CD200R1: variants seen among roughly 807,000 people sequenced by gnomAD.
CD200R1 encodes the protein CD200 receptor 1.
In CD200R1, 30 loss-of-function variants were observed where a neutral mutation model predicts 38.1. The observed-to-expected ratio is 0.79, with a 90% CI of 0.59 to 1.07. The LOEUF is 1.07. Among genes scored for constraint, CD200R1 ranks in the 50% least tolerant of loss-of-function variants. CD200R1 has a pLI of 0.00. For missense variants in CD200R1, 372 were observed against 415.4 expected (o/e 0.90, Z 0.91); for synonymous variants, 128 against 152.1 (o/e 0.84, Z 1.16).
At chr3:112,963,754 G>A (rs1252458631) in intron 1 of CD200R1, among the ~76,000 whole-genome samples, 2 of 152,174 alleles carry the variant, frequency 1.3e-5, no homozygotes, top group Non-Finnish European at 1.5e-5. Flanking sequence ...GCCAGCTGCA[G>A]AAATTTGCCT....
intron 1 of CD200R1, among the ~76,000 whole-genome samples, chr3:112,956,831 C>A (rs1177091082): frequency 6.6e-6 from 1 of 152,144 alleles, no homozygotes; most frequent in Non-Finnish European, 1.5e-5. Context: ...GCACCCAATG[C>A]CAAGTAGCCA....
intron 2 of CD200R1, among the ~76,000 whole-genome samples, chr3:112,931,847 C>T (rs1421030141): frequency 1.3e-5 from 2 of 151,920 alleles, no homozygotes; most frequent in South Asian, 2.1e-4. Context: ...GAGAGGAGCT[C>T]GTGGTCATCA....
In CD200R1 at chr3:112,937,452, T is replaced by C. The variant is rs188569568; in HGVS notation, c.137-6281A>G. Among the ~76,000 whole-genome samples the C allele has an allele frequency of 1.0e-3, 106 of 103,600 alleles. 2 individuals are homozygous for C. Among genetic ancestry groups the C allele is most frequent in the African/African-American group, 4.3e-3 (100 of 23,068 alleles). The allele number at this position is 103,600 out of a possible 152,430, so 68.0% of individuals were successfully genotyped here. A position where few individuals can be genotyped will look rare whatever the true frequency, so the allele number is the denominator to read the frequency against. ...GCACCATTTATTAAATAGGGAATCC[T>C]TTCCCCATTGCTTGTTTCTGTCAGG... On this transcript the variant is annotated intron_variant, in intron 2 of 7. Transcript: ENST00000308611.
chr3:112,925,777 A>T (rs931635295), intron 5 of CD200R1, among the ~76,000 whole-genome samples: 3 of 152,188 alleles, frequency 2.0e-5, no homozygotes, highest in African/African-American at 7.2e-5. Flanking sequence ...TCTACTAAAA[A>T]TAAAGTTATC....
intron 1 of CD200R1, among the ~76,000 whole-genome samples, chr3:112,955,997 G>A (rs1393965689): frequency 6.6e-6 from 1 of 151,780 alleles, no homozygotes. Flanking sequence ...GTCTTACTTG[G>A]ATTGAATCTG....
Position 112,974,954 on chromosome 3 carries a change from C to G in CD200R1, c.-97G>C. 1.1e-6 allele frequency: 1 copy of G among 918,924 alleles called. No homozygotes were observed. Among genetic ancestry groups the G allele is most frequent in the Non-Finnish European group, 1.8e-6 (1 of 566,866 alleles). 56.9% of individuals were successfully genotyped at this position (918,924 alleles called of 1,614,324 possible). A position where few individuals can be genotyped will look rare whatever the true frequency, so the allele number is the denominator to read the frequency against. On this transcript the variant is annotated 5_prime_UTR_variant, in exon 1 of 8. Transcript: ENST00000308611. ...TGGTGAGACCCTCTCTGGTCAACTTCTCAGTACAGGATCCTCTTACCCCAT... is the reference window on the plus strand; with the variant it reads ...TGGTGAGACCCTCTCTGGTCAACTTGTCAGTACAGGATCCTCTTACCCCAT...
Position 112,923,295 on chromosome 3 carries a change from A to G in CD200R1, c.*382T>C, listed in dbSNP as rs1940211241. The stretch of plus-strand genomic sequence containing the variant: ...GGACACATAAATTGACACATATACC[A>G]TAGGCATATACACATGTCATATGTA... On this transcript the variant is annotated 3_prime_UTR_variant, in exon 8 of 8. Transcript: ENST00000308611. 6.2e-6 allele frequency: 1 copy of G among 160,074 alleles called. No homozygotes were observed. Among genetic ancestry groups the G allele is most frequent in the South Asian group, 1.8e-4 (1 of 5,494 alleles). The allele number at this position is 160,074 out of a possible 1,614,324, so 9.9% of individuals were successfully genotyped here. A position where few individuals can be genotyped will look rare whatever the true frequency, so the allele number is the denominator to read the frequency against.
intron 1 of CD200R1, among the ~76,000 whole-genome samples, chr3:112,958,618 T>G (rs1001172382): frequency 2.0e-5 from 3 of 152,162 alleles, no homozygotes; most frequent in Admixed American, 6.5e-5. Context: ...ATGCAATTAA[T>G]TGTACATAAA....
chr3:112,942,344 T>C (rs955789302), intron 2 of CD200R1, among the ~76,000 whole-genome samples: 3 of 151,672 alleles, frequency 2.0e-5, no homozygotes, highest in Non-Finnish European at 4.4e-5. Context: ...ATTTTGTTAT[T>C]GCAAGGTATT....
chr3:112,974,003 C>T (rs888242952), intron 1 of CD200R1, among the ~76,000 whole-genome samples: 12 of 152,108 alleles, frequency 7.9e-5, no homozygotes, highest in African/African-American at 2.9e-4. Flanking sequence ...ATCACAGACG[C>T]ACCACTGTAA....
intron 1 of CD200R1, among the ~76,000 whole-genome samples, chr3:112,968,468 G>A (rs1335458939): frequency 1.3e-5 from 2 of 152,202 alleles, no homozygotes; most frequent in African/African-American, 2.4e-5. Flanking sequence ...CTGGAAAGTG[G>A]AGGAAGCAGA....
At chr3:112,956,349 T>TG (rs1025912924) in intron 1 of CD200R1, among the ~76,000 whole-genome samples, 28 of 152,236 alleles carry the variant, frequency 1.8e-4, no homozygotes, top group East Asian at 3.9e-4. Context: ...CTAGGATTTC[T>TG]GGTTTTTTTT....
rs1465173355 is a variant in CD200R1 at position 112,922,351 on chromosome 3, G to A, written c.*1326C>T. On this transcript the variant is annotated 3_prime_UTR_variant, in exon 8 of 8. Coordinates refer to ENST00000308611, the MANE Select transcript of CD200R1 (RefSeq NM_138806.4). ...AAAATAATTTCATGATATTAACAAT[G>A]ATTTACATAAACATTGCCAATATTT... is the stretch of plus-strand genomic sequence containing the variant. 1 of 151,924 alleles carries A rather than the reference G, an allele frequency of 6.6e-6. No individual in the cohort carries two copies. Among genetic ancestry groups the A allele is most frequent in the African/African-American group, 2.4e-5 (1 of 41,394 alleles). 9.4% of individuals were successfully genotyped at this position (151,924 alleles called of 1,614,324 possible). A position where few individuals can be genotyped will look rare whatever the true frequency, so the allele number is the denominator to read the frequency against.
rs571784856 is a variant in CD200R1 at position 112,959,817 on chromosome 3, A to G, written c.68-11893T>C. Among the ~76,000 whole-genome samples, 13 of 152,206 alleles carry G rather than the reference A, an allele frequency of 8.5e-5. No homozygotes were observed. The South Asian group carries it at 2.1e-3, about 24-fold the overall frequency. On this transcript the variant is annotated intron_variant, in intron 1 of 7. Transcript: ENST00000308611. ...AGAGATGAACCACTATGAATTATGC[A>G]TGGATTAAGCATTAAACAATTTCTA... is the stretch of plus-strand genomic sequence containing the variant.
chr3:112,969,496 TCTGA>T (rs1314024785), intron 1 of CD200R1, among the ~76,000 whole-genome samples: 5 of 152,242 alleles, frequency 3.3e-5, no homozygotes, highest in African/African-American at 7.2e-5. Flanking sequence ...AACAGTTGCC[TCTGA>T]CTTTTTGTTC....
At chr3:112,947,580 T>C (rs756177968) in intron 2 of CD200R1, among the ~76,000 whole-genome samples, 40 of 152,216 alleles carry the variant, frequency 2.6e-4, no homozygotes, top group Non-Finnish European at 5.9e-5. Flanking sequence ...GATCTGCTTA[T>C]TAAAAAGTGC....
At chr3:112,930,603 G>A (rs982870077) in intron 3 of CD200R1, among the ~76,000 whole-genome samples, 1 of 152,182 alleles carries the variant, frequency 6.6e-6, no homozygotes, top group Non-Finnish European at 1.5e-5. Flanking sequence ...CAAAGTATTT[G>A]TCACTACTCA....
chr3:112,959,671 A>G (rs778718290), intron 1 of CD200R1, among the ~76,000 whole-genome samples: 6 of 152,116 alleles, frequency 3.9e-5, no homozygotes, highest in Non-Finnish European at 8.8e-5. Context: ...ATTTCACTCT[A>G]CATTTGGTGA....
intron 1 of CD200R1, among the ~76,000 whole-genome samples, chr3:112,974,051 G>A (rs1033762126): frequency 2.6e-5 from 4 of 152,044 alleles, no homozygotes; most frequent in African/African-American, 9.7e-5. Flanking sequence ...CCTAATCATC[G>A]AAAGTGACAG....
Sources: allele counts gnomAD v4.1 joint callset (sites outside exome capture counted in the v4.1 genomes callset), GRCh38; gene constraint gnomAD v4.1.1; transcripts MANE v1.5; gene names NCBI Gene and HGNC (gene_info 2026-07-23, HGNC 2026-07-21).